Variants in MEI4 observed in about 807,000 individuals in gnomAD.
The protein encoded by MEI4 is meiotic double-stranded break formation protein 4.
In MEI4, 27 loss-of-function variants were observed where a neutral mutation model predicts 31.4. The ratio of observed to expected loss-of-function variants is 0.86; its 90% CI spans 0.63 to 1.19. MEI4 has a LOEUF of 1.19. Ranked by LOEUF, MEI4 falls within the 50% of genes most tolerant of loss-of-function variation. The probability of loss-of-function intolerance (pLI) is 0.00; values close to 1 mark genes in which losing one functional copy is unlikely to be tolerated. For missense variants in MEI4, 329 were observed against 398.9 expected (o/e 0.82, Z 1.49); for synonymous variants, 122 against 145.4 (o/e 0.84, Z 1.16).
At chr6:77,686,226 T>C (rs993675862) in intron 1 of MEI4, among the ~76,000 whole-genome samples, 2 of 152,158 alleles carry the variant, frequency 1.3e-5, no homozygotes, top group Non-Finnish European at 2.9e-5. Context: ...TATAAATTAC[T>C]CAGCCTTAGG....
rs543734552 is a variant in MEI4, at chr6:77,904,289, C to T, written c.901-18800C>T. On this transcript the variant is annotated intron_variant, in intron 4 of 4. Coordinates refer to ENST00000684080, the MANE Select transcript of MEI4 (RefSeq NM_001322247.2). ...ACAGTATGTTTTAAGCTGATAACAA[C>T]GTAGCTTTAATTTTCTTTCCAACTT... Among the ~76,000 whole-genome samples, 7 of 152,142 alleles carry T rather than the reference C, an allele frequency of 4.6e-5. No individual in the cohort carries two copies. In the East Asian group the frequency reaches 9.6e-4, roughly 21 times the overall value.
chr6:77,689,171 C>CT (rs1199583121), intron 1 of MEI4, among the ~76,000 whole-genome samples: 3 of 151,916 alleles, frequency 2.0e-5, no homozygotes, highest in African/African-American at 4.8e-5. Context: ...TTTCTATTTA[C>CT]TTTTTTTATC....
intron 1 of MEI4, 119 bp from the exon 2 acceptor site, chr6:77,690,539 G>A: frequency 2.2e-6 from 1 of 452,144 alleles, no homozygotes; most frequent in Non-Finnish European, 3.6e-6. Context: ...GTTACTTGGT[G>A]CCAAGTCTTA....
intron 4 of MEI4, among the ~76,000 whole-genome samples, chr6:77,856,815 T>A (rs1770757474): frequency 6.6e-6 from 1 of 152,146 alleles, no homozygotes; most frequent in Non-Finnish European, 1.5e-5. Flanking sequence ...CTAAGCACTC[T>A]CATCTTATCC....
intron 2 of MEI4, among the ~76,000 whole-genome samples, chr6:77,757,748 T>C (rs1358139340): frequency 6.6e-6 from 1 of 152,246 alleles, no homozygotes; most frequent in Non-Finnish European, 1.5e-5. Flanking sequence ...AGTATAATTT[T>C]CTAGATTAGT....
chr6:77,911,025 G>A (rs1303778626), intron 4 of MEI4, among the ~76,000 whole-genome samples: 1 of 145,954 alleles, frequency 6.9e-6, no homozygotes, highest in African/African-American at 2.5e-5. Context: ...TGATTACATT[G>A]AGCATTTTTT....
rs143492321 is a variant in MEI4 at position 77,711,464 on chromosome 6, T to C, written c.232+20561T>C. On this transcript the variant is annotated intron_variant, in intron 2 of 4. Transcript: ENST00000684080. ...GAAAGAGAAAGAGAATGGAAGGAAC[T>C]GATGTGGACCTTTCTGACATGGACC... 4.7e-3 allele frequency among the ~76,000 whole-genome samples: 720 copies of C among 152,284 alleles called. 8 individuals carry two copies. Among genetic ancestry groups the C allele is most frequent in the African/African-American group, 0.017 (687 of 41,556 alleles).
intron 3 of MEI4, among the ~76,000 whole-genome samples, chr6:77,807,502 T>G (rs1224055001): frequency 1.3e-5 from 2 of 152,168 alleles, no homozygotes; most frequent in Non-Finnish European, 2.9e-5. Context: ...ATCATGTTTT[T>G]ATCTACCCTT....
chr6:77,898,105 C>T (rs1487323764), intron 4 of MEI4, among the ~76,000 whole-genome samples: 3 of 152,008 alleles, frequency 2.0e-5, no homozygotes, highest in African/African-American at 7.2e-5. Flanking sequence ...CAAGCATGGT[C>T]AGATGCTCTA....
chr6:77,702,187 G>A (rs571666855), intron 2 of MEI4, among the ~76,000 whole-genome samples: 11 of 152,134 alleles, frequency 7.2e-5, no homozygotes, highest in Admixed American at 2.0e-4. Flanking sequence ...AGCCTGCTCC[G>A]CCTCTGTTTC....
chr6:77,903,969 G>C (rs1365659507), intron 4 of MEI4, among the ~76,000 whole-genome samples: 2 of 152,014 alleles, frequency 1.3e-5, no homozygotes, highest in African/African-American at 4.8e-5. Flanking sequence ...TCACTTGTAG[G>C]CAGCATTTAA....
At chr6:77,809,411 G>A (rs748078819) in intron 3 of MEI4, among the ~76,000 whole-genome samples, 1 of 151,992 alleles carries the variant, frequency 6.6e-6, no homozygotes, top group African/African-American at 2.4e-5. Flanking sequence ...TCAAACAGAT[G>A]GGTTGTAATT....
chr6:77,880,995 G>A (rs1771476527), intron 4 of MEI4, among the ~76,000 whole-genome samples: 2 of 151,224 alleles, frequency 1.3e-5, no homozygotes, highest in South Asian at 4.2e-4. Context: ...TTTTTTTGGA[G>A]TACATATCTT....
chr6:77,718,620 G>A (rs1766637628), intron 2 of MEI4, among the ~76,000 whole-genome samples: 1 of 145,846 alleles, frequency 6.9e-6, no homozygotes, highest in African/African-American at 2.6e-5. Flanking sequence ...TGGATGGATG[G>A]TGAGGCCTCC....
chr6:77,688,580 A>T (rs1307300771), intron 1 of MEI4, among the ~76,000 whole-genome samples: 2 of 152,128 alleles, frequency 1.3e-5, no homozygotes, highest in African/African-American at 4.8e-5. Context: ...CAATTAATTA[A>T]ATATCTCTGC....
chr6:77,852,713 C>T (rs1317155247), intron 4 of MEI4, among the ~76,000 whole-genome samples: 1 of 151,690 alleles, frequency 6.6e-6, no homozygotes, highest in African/African-American at 2.4e-5. Flanking sequence ...GAATGAGTTC[C>T]TTAGGGACTA....
At chr6:77,739,749 C>T (rs1767350692) in intron 2 of MEI4, among the ~76,000 whole-genome samples, 1 of 151,920 alleles carries the variant, frequency 6.6e-6, no homozygotes, top group Admixed American at 6.6e-5. Context: ...AATAGGAAAA[C>T]CAACTCCTGG....
At chr6:77,810,571 A>G (rs765378145) in intron 3 of MEI4, among the ~76,000 whole-genome samples, 1 of 152,232 alleles carries the variant, frequency 6.6e-6, no homozygotes, top group Non-Finnish European at 1.5e-5. Context: ...TTGTTTGAAC[A>G]TTGATGTTAA....
rs1766784133 is a variant in MEI4, at chr6:77,924,067, CATATTTT to C, written c.*725_*731del. The C allele has an allele frequency of 6.6e-6, 1 of 151,624 alleles. No individual in the cohort carries two copies. The highest frequency in any genetic ancestry group is 2.4e-5 in the African/African-American group (1 of 41,346). 9.4% of individuals were successfully genotyped at this position (151,624 alleles called of 1,614,324 possible). On this transcript the variant is annotated 3_prime_UTR_variant, in exon 5 of 5. Transcript: ENST00000684080. ...AATAGTATACAATTAAGTCACTAGA[CATATTTT>C]ATAAATTCTAATATCCATCTAAAAG...
Sources: allele counts gnomAD v4.1 joint callset (sites outside exome capture counted in the v4.1 genomes callset), GRCh38; gene constraint gnomAD v4.1.1; transcripts MANE v1.5; gene names NCBI Gene and HGNC (gene_info 2026-07-23, HGNC 2026-07-21).